Variants in AGMO observed in about 807,000 individuals in gnomAD.
AGMO encodes alkylglycerol monooxygenase.
In AGMO, 75 loss-of-function variants were observed where a neutral mutation model predicts 60.2. The observed-to-expected ratio is 1.25, with a 90% CI of 1.03 to 1.51. The LOEUF is 1.51. AGMO is among the 40% of genes most tolerant of loss of function. The pLI is 0.00. For synonymous variants in AGMO, 261 were observed against 177.1 expected, an observed-to-expected ratio of 1.47 and a Z score of -3.76; for missense variants, 763 against 525.5, an observed-to-expected ratio of 1.45 and a Z score of -4.42.
chr7:15,531,487 T>TTC lies in AGMO; in HGVS notation c.409+13283_409+13284dup, dbSNP rs1491277177. 4.6e-3 allele frequency among the ~76,000 whole-genome samples: 55 copies of TTC among 11,868 alleles called. 8 individuals carry two copies. The highest frequency in any genetic ancestry group is 0.01 in the African/African-American group (34 of 3,362). The allele number at this position is 11,868 out of a possible 152,430, so 7.8% of individuals were successfully genotyped here. A position where few individuals can be genotyped will look rare whatever the true frequency, so the allele number is the denominator to read the frequency against. On this transcript the variant is annotated intron_variant, in intron 3 of 12. Coordinates refer to ENST00000342526, the MANE Select transcript of AGMO (RefSeq NM_001004320.2). The stretch of plus-strand genomic sequence containing the variant: ...ATTCTATATATATTCTCTATATATA[T>TTC]TCTATATATATTCTATATATATTCT...
At chr7:15,393,988 CTA>C in intron 6 of AGMO, 123 bp downstream of exon 6, 1 of 404,650 alleles carries the variant, frequency 2.5e-6, no homozygotes, top group Non-Finnish European at 3.9e-6. Context: ...AAAGAAGAAA[CTA>C]TTATTTATTT....
intron 3 of AGMO, among the ~76,000 whole-genome samples, chr7:15,483,604 A>G (rs929780942): frequency 6.7e-6 from 1 of 148,690 alleles, no homozygotes; most frequent in Non-Finnish European, 1.5e-5. Flanking sequence ...CAAACAAAAA[A>G]CCATAAAATT....
At chr7:15,245,602 C>G (rs1359224372) in intron 12 of AGMO, among the ~76,000 whole-genome samples, 1 of 151,950 alleles carries the variant, frequency 6.6e-6, no homozygotes, top group Non-Finnish European at 1.5e-5. Context: ...AGACTACCAT[C>G]AGAAACCTGC....
At chr7:15,345,271 C>A (rs1204747599) in intron 12 of AGMO, among the ~76,000 whole-genome samples, 3 of 152,074 alleles carry the variant, frequency 2.0e-5, no homozygotes, top group Admixed American at 2.0e-4. Context: ...CTGTTCTTCC[C>A]ATTTTATGGA....
chr7:15,398,282 T>A (rs1784465262), intron 5 of AGMO, among the ~76,000 whole-genome samples: 1 of 152,176 alleles, frequency 6.6e-6, no homozygotes, highest in Non-Finnish European at 1.5e-5. Flanking sequence ...TATTTTTTTT[T>A]AATGTCAAGC....
intron 12 of AGMO, among the ~76,000 whole-genome samples, chr7:15,260,032 A>C (rs1307403719): frequency 1.3e-5 from 2 of 151,730 alleles, no homozygotes; most frequent in South Asian, 2.1e-4. Context: ...TGAAAAAAAA[A>C]CCCAAAGTAT....
chr7:15,274,417 C>T (rs374297796), intron 12 of AGMO, among the ~76,000 whole-genome samples: 5 of 152,114 alleles, frequency 3.3e-5, no homozygotes, highest in East Asian at 1.9e-4. Context: ...TGCTGGATTA[C>T]GTTTATTGAT....
At chr7:15,125,052 T>C in the AGMO span, among the ~76,000 whole-genome samples, 1 of 150,354 alleles carries the variant, frequency 6.7e-6, no homozygotes, top group South Asian at 2.1e-4. Flanking sequence ...TGGAATGGGA[T>C]GCCTTCAGAA....
chr7:15,281,955 G>A (rs1481350086), intron 12 of AGMO, among the ~76,000 whole-genome samples: 1 of 152,028 alleles, frequency 6.6e-6, no homozygotes, highest in East Asian at 1.9e-4. Flanking sequence ...GCCCTCTATA[G>A]CCTAGGAACC....
At chr7:15,135,542 A>C in the AGMO span, among the ~76,000 whole-genome samples, 1 of 152,234 alleles carries the variant, frequency 6.6e-6, no homozygotes, top group Non-Finnish European at 1.5e-5. Flanking sequence ...AAAACTGCAT[A>C]TTTAAATCAC....
In AGMO at chr7:15,322,335, A is replaced by T. The variant is rs201394485; in HGVS notation, c.1263+43179T>A. ...TATAGAAAACTGGCAGATATATGCC[A>T]TACCAGTTGGGAAAACAATTGGGAT... On this transcript the variant is annotated intron_variant, in intron 12 of 12. Transcript: ENST00000342526. Among the ~76,000 whole-genome samples the T allele has an allele frequency of 2.9e-4, 42 of 146,308 alleles. No homozygotes were observed. The East Asian group carries it at 3.8e-3, about 13-fold the overall frequency.
At chr7:15,354,159 C>T (rs1443885931) in intron 12 of AGMO, among the ~76,000 whole-genome samples, 2 of 151,380 alleles carry the variant, frequency 1.3e-5, no homozygotes, top group East Asian at 4.0e-4. Context: ...AAGGAGACCA[C>T]AAATAAATCA....
At chr7:15,198,459 G>A (rs912418884), downstream of AGMO, among the ~76,000 whole-genome samples, 1 of 152,164 alleles carries the variant, frequency 6.6e-6, no homozygotes, top group East Asian at 1.9e-4. Flanking sequence ...AATGCACAGA[G>A]GCCCTAGAAA....
the AGMO span, among the ~76,000 whole-genome samples, chr7:15,181,888 T>C: frequency 1.3e-5 from 2 of 152,172 alleles, no homozygotes; most frequent in Admixed American, 6.6e-5. Flanking sequence ...AATCTATTAT[T>C]ATATATGAAA....
At chr7:15,175,708 T>A in the AGMO span, among the ~76,000 whole-genome samples, 2 of 151,924 alleles carry the variant, frequency 1.3e-5, no homozygotes, top group Non-Finnish European at 2.9e-5. Context: ...ACATTAGTAG[T>A]CCTTGTCATC....
chr7:15,377,434 A>G (rs1317248633), intron 10 of AGMO, among the ~76,000 whole-genome samples: 2 of 151,006 alleles, frequency 1.3e-5, no homozygotes, highest in Non-Finnish European at 3.0e-5. Flanking sequence ...TGTAAGTCAC[A>G]TATTTTAATG....
chr7:15,438,979 G>A (rs1781475844), intron 3 of AGMO, among the ~76,000 whole-genome samples: 1 of 152,114 alleles, frequency 6.6e-6, no homozygotes, highest in Admixed American at 6.5e-5. Context: ...TATAGGGAAA[G>A]CACTTCCTAG....
intron 8 of AGMO, among the ~76,000 whole-genome samples, chr7:15,388,855 A>T (rs554928202): frequency 3.7e-4 from 56 of 152,220 alleles, no homozygotes; most frequent in Non-Finnish European, 7.2e-4. Context: ...TGACAATGTA[A>T]GTAAACATGT....
intron 12 of AGMO, among the ~76,000 whole-genome samples, chr7:15,280,572 T>C (rs924996084): frequency 6.6e-6 from 1 of 152,096 alleles, no homozygotes; most frequent in African/African-American, 2.4e-5. Context: ...CACCTATAGC[T>C]TGAAAATCCA....
Sources: allele counts gnomAD v4.1 joint callset (sites outside exome capture counted in the v4.1 genomes callset), GRCh38; gene constraint gnomAD v4.1.1; transcripts MANE v1.5; gene names NCBI Gene and HGNC (gene_info 2026-07-23, HGNC 2026-07-21).